The following DUSP22 variants were observed in gnomAD, a reference collection of about 807,000 sequenced individuals.
The protein encoded by DUSP22 is dual specificity phosphatase 22.
DUSP22 carries 24 observed loss-of-function variants against 24.5 expected under a neutral mutation model. The ratio of observed to expected loss-of-function variants is 0.98; its 90% CI spans 0.71 to 1.38. The LOEUF (loss-of-function observed/expected upper bound fraction) is 1.38, where lower values mean the gene tolerates loss of function less well. Among genes scored for constraint, DUSP22 ranks in the 40% most tolerant of loss-of-function variants. DUSP22 has a pLI of 0.00. For synonymous variants in DUSP22, 160 were observed against 106.4 expected, an observed-to-expected ratio of 1.50 and a Z score of -3.10; for missense variants, 330 against 269.2, an observed-to-expected ratio of 1.23 and a Z score of -1.58.
chr6:303,451 C>T (rs1757675848), intron 1 of DUSP22, among the ~76,000 whole-genome samples: 1 of 152,308 alleles, frequency 6.6e-6, no homozygotes, highest in Admixed American at 6.5e-5. Context: ...TAGACATGAG[C>T]CATGGGTTTT....
chr6:309,339 A>T (rs977771479), intron 2 of DUSP22, among the ~76,000 whole-genome samples: 1 of 152,298 alleles, frequency 6.6e-6, no homozygotes, highest in African/African-American at 2.4e-5. Flanking sequence ...TTTCTTTCTC[A>T]CTTTGGGTCA....
At chr6:304,499 G>C (rs764655641) in intron 1 of DUSP22, 129 bp from the exon 2 acceptor site, 2 of 1,378,722 alleles carry the variant, frequency 1.5e-6, no homozygotes, top group Non-Finnish European at 2.1e-6. Context: ...CCGCGTGTCT[G>C]TCAGGGAGGT....
intron 1 of DUSP22, among the ~76,000 whole-genome samples, chr6:293,574 G>T (rs1581135543): frequency 1.3e-5 from 2 of 152,356 alleles, no homozygotes; most frequent in African/African-American, 2.4e-5. Flanking sequence ...ATGTGGCTGT[G>T]TTTTTTTTCA....
intron 1 of DUSP22, among the ~76,000 whole-genome samples, chr6:299,310 G>A (rs1480958236): frequency 5.9e-5 from 9 of 152,296 alleles, no homozygotes; most frequent in African/African-American, 1.4e-4. Context: ...TCTATAAATC[G>A]TCTCTCTGCT....
intron 3 of DUSP22, among the ~76,000 whole-genome samples, chr6:323,632 C>T (rs906786593): frequency 6.6e-6 from 1 of 152,300 alleles, no homozygotes; most frequent in Non-Finnish European, 1.5e-5. Context: ...CTTAGGGCGT[C>T]CCTTTGCCAT....
chr6:332,719 C>T (rs570812961), intron 3 of DUSP22, among the ~76,000 whole-genome samples: 1,014 of 150,114 alleles, frequency 6.8e-3, no homozygotes, highest in Non-Finnish European at 9.9e-3. Context: ...AAGTGGCTGT[C>T]AGTCAACATC....
chr6:302,156 A>G (rs912423872), intron 1 of DUSP22, among the ~76,000 whole-genome samples: 22 of 152,300 alleles, frequency 1.4e-4, no homozygotes, highest in Non-Finnish European at 2.1e-4. Context: ...GGAGGTGAGC[A>G]TGGTGACGAA....
At chr6:328,389 T>G (rs1265520265) in intron 3 of DUSP22, among the ~76,000 whole-genome samples, 2 of 152,304 alleles carry the variant, frequency 1.3e-5, no homozygotes, top group Non-Finnish European at 2.9e-5. Flanking sequence ...CCGTGCCCAC[T>G]TTAGCCTTGC....
Position 350,381 on chromosome 6 carries a change from G to A in DUSP22, c.*1430G>A. On this transcript the variant is annotated 3_prime_UTR_variant, in exon 7 of 7. Transcript: ENST00000419235. The stretch of plus-strand genomic sequence containing the variant: ...ATACCGACTCAGATTCCTTAAGCAT[G>A]CAGAGTCACTCGAATGAAAAAACAT... The A allele has an allele frequency of 2.8e-6, 3 of 1,089,050 alleles. No individual in the cohort carries two copies. The highest frequency in any genetic ancestry group is 3.4e-6 in the Non-Finnish European group (3 of 893,190). The allele number at this position is 1,089,050 out of a possible 1,614,324, so 67.5% of individuals were successfully genotyped here.
At chr6:340,507 C>T (rs1467125350) in intron 4 of DUSP22, among the ~76,000 whole-genome samples, 6 of 152,288 alleles carry the variant, frequency 3.9e-5, no homozygotes, top group Non-Finnish European at 1.5e-5. Context: ...TACTCATTTG[C>T]TATTAGAAAA....
chr6:345,205 A>G (rs1429212347), intron 4 of DUSP22, among the ~76,000 whole-genome samples: 1 of 152,152 alleles, frequency 6.6e-6, no homozygotes, highest in African/African-American at 2.4e-5. Context: ...CCACAGGAAG[A>G]ATAAATTCTG....
intron 6 of DUSP22, 135 bp downstream of exon 6, chr6:348,409 C>A: frequency 7.2e-7 from 1 of 1,392,608 alleles, no homozygotes. Context: ...CCAGGGCGCC[C>A]AGCTGCACCC....
chr6:311,796 G>A lies in DUSP22; in HGVS notation c.56-84G>A, dbSNP rs1206425248. The A allele has an allele frequency of 8.4e-6, 11 of 1,309,970 alleles. No individual in the cohort carries two copies. The East Asian group carries it at 2.7e-4, about 32-fold the overall frequency. The allele number at this position is 1,309,970 out of a possible 1,614,324, so 81.1% of individuals were successfully genotyped here. ...AAAGAAATATGCAAGTCATTTTGTGGGTTTTTTTTTTTTTCTGGCTAGACT... is the reference window on the plus strand; with the variant it reads ...AAAGAAATATGCAAGTCATTTTGTGAGTTTTTTTTTTTTTCTGGCTAGACT... On this transcript the variant is annotated intron_variant, in intron 2 of 6. Transcript: ENST00000419235.
chr6:296,846 C>T (rs1272759284), intron 1 of DUSP22, among the ~76,000 whole-genome samples: 3 of 152,288 alleles, frequency 2.0e-5, no homozygotes, highest in African/African-American at 7.2e-5. Context: ...GGCATCTTGC[C>T]CTCCACTGAC....
intron 3 of DUSP22, among the ~76,000 whole-genome samples, chr6:324,839 A>G (rs1442018567): frequency 6.6e-6 from 1 of 152,302 alleles, no homozygotes; most frequent in Non-Finnish European, 1.5e-5. Flanking sequence ...ACCCATCTGC[A>G]GCTGAGGGAC....
At chr6:310,713 A>T (rs1758044020) in intron 2 of DUSP22, among the ~76,000 whole-genome samples, 2 of 152,242 alleles carry the variant, frequency 1.3e-5, no homozygotes, top group Non-Finnish European at 1.5e-5. Context: ...AATTCTCATC[A>T]TTAAGAGGCC....
intron 2 of DUSP22, among the ~76,000 whole-genome samples, chr6:310,305 A>G (rs1758018507): frequency 6.6e-6 from 1 of 152,302 alleles, no homozygotes. Flanking sequence ...CATTTAGGAA[A>G]GTTCAGCCAG....
intron 2 of DUSP22, among the ~76,000 whole-genome samples, chr6:307,966 A>G (rs533183986): frequency 3.3e-4 from 50 of 152,362 alleles, no homozygotes; most frequent in South Asian, 4.1e-4. Flanking sequence ...TTTTTTCCAC[A>G]TGAATTCTAA....
At chr6:323,439 T>C (rs1180338990) in intron 3 of DUSP22, among the ~76,000 whole-genome samples, 1 of 152,304 alleles carries the variant, frequency 6.6e-6, no homozygotes, top group Non-Finnish European at 1.5e-5. Context: ...ATGGTGAAAG[T>C]TCTGGGCGTG....
Sources: allele counts gnomAD v4.1 joint callset (sites outside exome capture counted in the v4.1 genomes callset), GRCh38; gene constraint gnomAD v4.1.1; transcripts MANE v1.5; gene names NCBI Gene and HGNC (gene_info 2026-07-23, HGNC 2026-07-21).